Variants in SNCAIP observed in about 807,000 individuals in gnomAD.
The protein encoded by SNCAIP is synuclein alpha interacting protein.
SNCAIP carries 43 observed loss-of-function variants against 86.7 expected under a neutral mutation model. The observed-to-expected ratio is 0.50, with a 90% CI of 0.39 to 0.64. SNCAIP has a LOEUF of 0.64. Ranked by LOEUF, SNCAIP falls within the 30% of genes least tolerant of loss-of-function variation. The probability of loss-of-function intolerance (pLI) is 0.00; values close to 1 mark genes in which losing one functional copy is unlikely to be tolerated. For missense variants in SNCAIP, 981 were observed against 1,103.1 expected, an observed-to-expected ratio of 0.89 and a Z score of 1.57; for synonymous variants, 417 against 427.2, an observed-to-expected ratio of 0.98 and a Z score of 0.29.
At chr5:122,433,149 A>G (rs1048592300) in intron 6 of SNCAIP, among the ~76,000 whole-genome samples, 18 of 126,250 alleles carry the variant, frequency 1.4e-4, no homozygotes, top group South Asian at 4.7e-4. Flanking sequence ...GTGTGTGTGT[A>G]TAATATATAT....
intron 1 of SNCAIP, among the ~76,000 whole-genome samples, chr5:122,362,002 A>G (rs1476700519): frequency 6.6e-6 from 1 of 152,250 alleles, no homozygotes; most frequent in African/African-American, 2.4e-5. Flanking sequence ...AGTGTTTTAA[A>G]TTCCAGCTGT....
chr5:122,403,198 A>G lies in SNCAIP; in HGVS notation c.58-595A>G, dbSNP rs185886802. On this transcript the variant is annotated intron_variant, in intron 2 of 10. Transcript: ENST00000261368. ...TCAAACTAATCTATATGTGAAAGAG[A>G]TGAGCTTTCAAACACAGAACCACAC... is the stretch of plus-strand genomic sequence containing the variant. Among the ~76,000 whole-genome samples, 3 of 152,272 alleles carry G rather than the reference A, an allele frequency of 2.0e-5. No individual in the cohort carries two copies. In the East Asian group the frequency reaches 5.8e-4, roughly 29 times the overall value.
At chr5:122,314,854 G>T (rs989450025) in intron 1 of SNCAIP, among the ~76,000 whole-genome samples, 1 of 152,078 alleles carries the variant, frequency 6.6e-6, no homozygotes, top group Non-Finnish European at 1.5e-5. Flanking sequence ...AATAGTTATC[G>T]TGCATTTACT....
chr5:122,418,926 T>A (rs1319110541), intron 3 of SNCAIP, among the ~76,000 whole-genome samples: 1 of 152,118 alleles, frequency 6.6e-6, no homozygotes, highest in Non-Finnish European at 1.5e-5. Context: ...TTGCAGAGAC[T>A]GTGGGAGAGG....
intron 1 of SNCAIP, chr5:122,371,545 G>T (rs1764268494): frequency 6.8e-6 from 1 of 147,404 alleles, no homozygotes; most frequent in African/African-American, 2.4e-5. Flanking sequence ...TGCATGATTT[G>T]TATATTATAA....
intron 1 of SNCAIP, among the ~76,000 whole-genome samples, chr5:122,339,340 A>G (rs1369776843): frequency 2.6e-5 from 4 of 152,214 alleles, no homozygotes; most frequent in Non-Finnish European, 5.9e-5. Flanking sequence ...ACACACATGG[A>G]ATGCCAATCA....
At chr5:122,432,447 T>A (rs1370744010) in intron 6 of SNCAIP, among the ~76,000 whole-genome samples, 1 of 152,150 alleles carries the variant, frequency 6.6e-6, no homozygotes, top group Admixed American at 6.6e-5. Flanking sequence ...AAAAATTATG[T>A]CACAACATGT....
At chr5:122,439,011 C>T (rs2152964968) in intron 6 of SNCAIP, among the ~76,000 whole-genome samples, 1 of 152,298 alleles carries the variant, frequency 6.6e-6, no homozygotes, top group Non-Finnish European at 1.5e-5. Context: ...GAGATACTTC[C>T]ATTCATCCAG....
rs1226040394 is a variant in SNCAIP at position 122,349,659 on chromosome 5, A to G, written c.-47+37375A>G. 4.6e-5 allele frequency among the ~76,000 whole-genome samples: 7 copies of G among 152,128 alleles called. No individual in the cohort carries two copies. The East Asian group carries it at 1.2e-3, about 25-fold the overall frequency. On this transcript the variant is annotated intron_variant, in intron 1 of 10. Coordinates refer to ENST00000261368, the MANE Select transcript of SNCAIP (RefSeq NM_005460.4). ...ATTTCCTGTCTTTGGAGTAATTATC[A>G]TAGTGTTTGTGTTTCTGAGAGGTTG...
chr5:122,445,320 T>A (rs1291768775), intron 8 of SNCAIP, among the ~76,000 whole-genome samples: 1 of 152,194 alleles, frequency 6.6e-6, no homozygotes, highest in Non-Finnish European at 1.5e-5. Flanking sequence ...TACAGTCAGT[T>A]CTTCCCTTGA....
intron 1 of SNCAIP, among the ~76,000 whole-genome samples, chr5:122,364,610 T>C (rs1762797024): frequency 6.6e-6 from 1 of 152,280 alleles, no homozygotes; most frequent in Non-Finnish European, 1.5e-5. Context: ...ACAATGTTTA[T>C]GAATGTCATG....
intron 3 of SNCAIP, among the ~76,000 whole-genome samples, chr5:122,409,967 C>G (rs10071532): frequency 0.038 from 5,827 of 152,198 alleles, 361 homozygotes; most frequent in African/African-American, 0.13. Context: ...CTCTAAAGAG[C>G]AGGGAAACAC....
chr5:122,351,514 G>A (rs542651824), intron 1 of SNCAIP, among the ~76,000 whole-genome samples: 1 of 108,082 alleles, frequency 9.3e-6, no homozygotes, highest in East Asian at 3.2e-4. Flanking sequence ...TCCAGCCTGG[G>A]CAACAGAGTG....
In SNCAIP at chr5:122,463,782, C is replaced by A; in HGVS notation, c.*286C>A. On this transcript the variant is annotated 3_prime_UTR_variant, in exon 11 of 11. Transcript: ENST00000261368. Reference sequence around the variant, plus strand: ...TATAACTTGTTTTTTTAAAAGATGCCGTTTAAAAGCATGATTGGGAAAATG... The same window carrying A: ...TATAACTTGTTTTTTTAAAAGATGCAGTTTAAAAGCATGATTGGGAAAATG... 2 of 376,652 alleles carry A rather than the reference C, an allele frequency of 5.3e-6. No homozygotes were observed. The highest frequency in any genetic ancestry group is 3.9e-5 in the East Asian group (1 of 25,324). The allele number at this position is 376,652 out of a possible 1,614,324, so 23.3% of individuals were successfully genotyped here.
intron 10 of SNCAIP, among the ~76,000 whole-genome samples, chr5:122,460,828 G>A (rs547929790): frequency 6.6e-6 from 1 of 152,252 alleles, no homozygotes; most frequent in African/African-American, 2.4e-5. Context: ...CAGCTCAGGT[G>A]TTTGTCAGTT....
At chr5:122,388,966 CTGCACCTG>C (rs777523405) in intron 1 of SNCAIP, 1 of 152,210 alleles carries the variant, frequency 6.6e-6, no homozygotes, top group Non-Finnish European at 1.5e-5. Context: ...CTATAATGAG[CTGCACCTG>C]TTGTAAGTCT....
intron 8 of SNCAIP, among the ~76,000 whole-genome samples, chr5:122,447,648 A>G (rs1782619881): frequency 6.6e-6 from 1 of 152,250 alleles, no homozygotes; most frequent in Non-Finnish European, 1.5e-5. Flanking sequence ...AAAGTGGGAA[A>G]AGTAGAATGC....
chr5:122,361,612 A>G (rs976553484), intron 1 of SNCAIP, among the ~76,000 whole-genome samples: 2 of 152,190 alleles, frequency 1.3e-5, no homozygotes, highest in Admixed American at 6.5e-5. Context: ...TTACATCCCT[A>G]TGTAACCTTG....
At chr5:122,318,562 T>G (rs1262740694) in intron 1 of SNCAIP, among the ~76,000 whole-genome samples, 1 of 152,230 alleles carries the variant, frequency 6.6e-6, no homozygotes, top group Non-Finnish European at 1.5e-5. Context: ...TCATCTTTCA[T>G]TTTTTCAGGT....
Sources: allele counts gnomAD v4.1 joint callset (sites outside exome capture counted in the v4.1 genomes callset), GRCh38; gene constraint gnomAD v4.1.1; transcripts MANE v1.5; gene names NCBI Gene and HGNC (gene_info 2026-07-23, HGNC 2026-07-21).